ARHGAP22: variants seen among roughly 807,000 people sequenced by gnomAD.
The protein encoded by ARHGAP22 is Rho GTPase activating protein 22, also known as rho GTPase-activating protein 22.
A neutral mutation model predicts 59.1 loss-of-function variants in ARHGAP22; 48 were observed. The ratio of observed to expected loss-of-function variants is 0.81; its 90% CI spans 0.64 to 1.03. The LOEUF is 1.03. ARHGAP22 is among the 50% of genes least tolerant of loss of function. The pLI, the probability that ARHGAP22 is intolerant of heterozygous loss-of-function variation, is 0.00. For synonymous variants in ARHGAP22, 445 were observed against 416.4 expected (o/e 1.07, Z -0.84); for missense variants, 1,015 against 958.7 (o/e 1.06, Z -0.78).
chr10:48,525,567 T>C (rs1369393354), intron 3 of ARHGAP22, among the ~76,000 whole-genome samples: 1 of 152,212 alleles, frequency 6.6e-6, no homozygotes. Flanking sequence ...AGCGAGATTC[T>C]GTCTCAAAAC....
At chr10:48,612,370 T>A (rs113199306) in intron 1 of ARHGAP22, among the ~76,000 whole-genome samples, 4 of 152,380 alleles carry the variant, frequency 2.6e-5, no homozygotes, top group African/African-American at 9.6e-5. Context: ...CTGCTCTATA[T>A]CTGGCAGGCA....
intron 1 of ARHGAP22, among the ~76,000 whole-genome samples, chr10:48,627,794 G>A (rs1038796082): frequency 2.0e-5 from 3 of 152,324 alleles, no homozygotes; most frequent in East Asian, 3.9e-4. Context: ...CTTTGGGCCC[G>A]GCCTCTGGTG....
At chr10:48,524,390 C>T (rs571197299) in intron 3 of ARHGAP22, among the ~76,000 whole-genome samples, 3 of 151,988 alleles carry the variant, frequency 2.0e-5, no homozygotes, top group South Asian at 2.1e-4. Context: ...CGCGCTGCTC[C>T]CTGCCCTCGC....
At chr10:48,567,395 C>G (rs1327312170) in intron 2 of ARHGAP22, among the ~76,000 whole-genome samples, 1 of 152,216 alleles carries the variant, frequency 6.6e-6, no homozygotes, top group Non-Finnish European at 1.5e-5. Flanking sequence ...GTGCCCCGGC[C>G]TTGGTGGCAG....
At chr10:48,586,465 G>T (rs1179894957) in intron 1 of ARHGAP22, among the ~76,000 whole-genome samples, 1 of 152,194 alleles carries the variant, frequency 6.6e-6, no homozygotes, top group Non-Finnish European at 1.5e-5. Flanking sequence ...ATGGCGCAGT[G>T]GATGTCTCCA....
chr10:48,444,187 T>C (rs1295932479), downstream of ARHGAP22: 1 of 152,264 alleles, frequency 6.6e-6, no homozygotes, highest in Non-Finnish European at 1.5e-5. Context: ...ATGTTCATAA[T>C]TCATGTAATT....
downstream of ARHGAP22, among the ~76,000 whole-genome samples, chr10:48,441,225 A>G (rs77049455): frequency 6.4e-4 from 97 of 152,206 alleles, 1 homozygote; most frequent in East Asian, 0.017. Context: ...TGTTAGTATC[A>G]TTTTGTGGAC....
At chr10:48,545,738 T>A (rs2056377230) in intron 3 of ARHGAP22, among the ~76,000 whole-genome samples, 1 of 152,164 alleles carries the variant, frequency 6.6e-6, no homozygotes, top group African/African-American at 2.4e-5. Context: ...GGCAGCAGTC[T>A]CCTATCTGCT....
chr10:48,638,380 G>A (rs772641901), intron 1 of ARHGAP22, among the ~76,000 whole-genome samples: 35 of 152,192 alleles, frequency 2.3e-4, no homozygotes, highest in Non-Finnish European at 4.4e-4. Context: ...TCTTCAACTC[G>A]CGGGCCAGGA....
intron 2 of ARHGAP22, among the ~76,000 whole-genome samples, chr10:48,573,264 G>A (rs73300252): frequency 4.1e-4 from 62 of 152,192 alleles, no homozygotes; most frequent in East Asian, 1.9e-3. Context: ...ATGGTTTACC[G>A]CATGAGTTTA....
intron 5 of ARHGAP22, 25 bp downstream of exon 5, chr10:48,459,659 A>T (rs1290285507): frequency 6.2e-7 from 1 of 1,613,108 alleles, no homozygotes; most frequent in Non-Finnish European, 8.5e-7. Flanking sequence ...AAATGGCTCC[A>T]CCTTACCCCC....
At chr10:48,436,068 G>A in the ARHGAP22 span, 2 of 152,128 alleles carry the variant, frequency 1.3e-5, no homozygotes, top group East Asian at 3.9e-4. Context: ...TCTACTTGTA[G>A]CATAATCATT....
intron 3 of ARHGAP22, among the ~76,000 whole-genome samples, chr10:48,526,872 G>C (rs559011364): frequency 6.6e-6 from 1 of 152,314 alleles, no homozygotes; most frequent in East Asian, 1.9e-4. Flanking sequence ...CAGACAAATA[G>C]GAAGGCAGGG....
At chr10:48,499,636 A>G (rs2051302472) in intron 3 of ARHGAP22, among the ~76,000 whole-genome samples, 1 of 152,240 alleles carries the variant, frequency 6.6e-6, no homozygotes, top group Admixed American at 6.5e-5. Flanking sequence ...GAAAACTATG[A>G]AAGCTGGAGA....
At chr10:48,454,705 TG>T (rs1454584558) in intron 6 of ARHGAP22, among the ~76,000 whole-genome samples, 1 of 152,168 alleles carries the variant, frequency 6.6e-6, no homozygotes, top group Non-Finnish European at 1.5e-5. Context: ...GAGCACCTAC[TG>T]GTGTGACAGC....
intron 2 of ARHGAP22, among the ~76,000 whole-genome samples, chr10:48,577,604 C>G (rs1766673997): frequency 6.6e-6 from 1 of 152,022 alleles, no homozygotes; most frequent in African/African-American, 2.4e-5. Context: ...AGGAACTGGT[C>G]TGCACACTGA....
intron 3 of ARHGAP22, among the ~76,000 whole-genome samples, chr10:48,483,010 T>A: frequency 6.6e-6 from 1 of 152,074 alleles, no homozygotes; most frequent in East Asian, 1.9e-4. Flanking sequence ...TTTCAGCTCC[T>A]ACATATAAGT....
chr10:48,459,799 A>G lies in ARHGAP22; in HGVS notation c.544T>C (p.Phe182Leu). ...TCAGTGAGCCCGCGCTCCCGGATGA[A>G]GTCCACACACTGCTCCACCAGCAGG... Reference protein sequence around the residue: ...APLLVEQCVDFIRERGLTEEG... With the variant: ...APLLVEQCVDLIRERGLTEEG... Residue 182 changes from phenylalanine (F) to leucine (L), a missense_variant, in exon 5 of 10, where the codon TTC (phenylalanine) becomes CTC (leucine). Phe to Leu is a conservative substitution (Grantham distance 22). Coordinates refer to ENST00000249601, the MANE Select transcript of ARHGAP22 (RefSeq NM_021226.4). 6.2e-7 allele frequency: 1 copy of G among 1,613,856 alleles called. No individual in the cohort carries two copies. The highest frequency in any genetic ancestry group is 8.5e-7 in the Non-Finnish European group (1 of 1,180,026).
intron 4 of ARHGAP22, among the ~76,000 whole-genome samples, chr10:48,478,691 A>G (rs72783094): frequency 0.064 from 9,700 of 152,286 alleles, 389 homozygotes; most frequent in South Asian, 0.09. Flanking sequence ...ACCACTTCAT[A>G]TGGACACCGA....
Sources: gnomAD v4.1 joint callset for allele counts (sites outside exome capture counted in the v4.1 genomes callset) on GRCh38, gnomAD v4.1.1 for gene constraint, MANE v1.5 for transcripts, NCBI Gene and HGNC (gene_info 2026-07-23, HGNC 2026-07-21) for gene names.